CTNNA2: variants seen among roughly 807,000 people sequenced by gnomAD.
CTNNA2 encodes catenin alpha 2.
Under a neutral mutation model 101.0 loss-of-function variants are expected in CTNNA2, and 42 were observed. That is an observed-to-expected ratio of 0.42 (90% CI 0.32 to 0.54). The LOEUF (loss-of-function observed/expected upper bound fraction) is 0.54. Among genes scored for constraint, CTNNA2 ranks in the 20% least tolerant of loss-of-function variants. The probability of loss-of-function intolerance (pLI) is 0.14; values close to 1 mark genes in which losing one functional copy is unlikely to be tolerated. For synonymous variants in CTNNA2, 450 were observed against 456.4 expected (o/e 0.99, Z 0.18); for missense variants, 871 against 1,223.1 (o/e 0.71, Z 4.29).
chr2:79,298,359 G>A (rs1203493824), intron 2 of CTNNA2, among the ~76,000 whole-genome samples: 1 of 152,084 alleles, frequency 6.6e-6, no homozygotes, highest in Non-Finnish European at 1.5e-5. Context: ...TGAGGAATCA[G>A]ACCCTTGACC....
chr2:79,870,609 G>A (rs1325450140), intron 5 of CTNNA2, among the ~76,000 whole-genome samples: 1 of 152,124 alleles, frequency 6.6e-6, no homozygotes, highest in African/African-American at 2.4e-5. Flanking sequence ...GAACTGCCCT[G>A]AGACTGGGTA....
chr2:79,556,304 G>A lies in CTNNA2; in HGVS notation c.-6+43097G>A, dbSNP rs576712444. On this transcript the variant is annotated intron_variant, in intron 1 of 18. Coordinates refer to ENST00000402739, the MANE Select transcript of CTNNA2 (RefSeq NM_001282597.3). ...GGTTAGGAGTGAGCCCTTAGTTGAGGATCAGAGGATTTCCTCCATGTAAAT... is the reference window on the plus strand; with the variant it reads ...GGTTAGGAGTGAGCCCTTAGTTGAGAATCAGAGGATTTCCTCCATGTAAAT... 3.3e-5 allele frequency among the ~76,000 whole-genome samples: 5 copies of A among 152,104 alleles called. No homozygotes were observed. The South Asian group carries it at 8.3e-4, about 25-fold the overall frequency.
chr2:79,686,962 G>A (rs1348632368), intron 2 of CTNNA2, among the ~76,000 whole-genome samples: 2 of 152,122 alleles, frequency 1.3e-5, no homozygotes, highest in Non-Finnish European at 2.9e-5. Flanking sequence ...GCTTCTGTTA[G>A]CATAATCAGC....
chr2:79,883,121 A>T (rs1199932908), intron 6 of CTNNA2, among the ~76,000 whole-genome samples: 1 of 152,188 alleles, frequency 6.6e-6, no homozygotes, highest in Non-Finnish European at 1.5e-5. Flanking sequence ...CTCTGTTTCT[A>T]GTTGGCCATC....
chr2:80,229,285 TC>T (rs1709060934), intron 7 of CTNNA2, among the ~76,000 whole-genome samples: 1 of 152,188 alleles, frequency 6.6e-6, no homozygotes, highest in Admixed American at 6.5e-5. Flanking sequence ...CAACATCAGA[TC>T]CTGTAGGTTA....
intron 6 of CTNNA2, among the ~76,000 whole-genome samples, chr2:79,879,905 A>G (rs1683297837): frequency 6.6e-6 from 1 of 152,152 alleles, no homozygotes; most frequent in African/African-American, 2.4e-5. Flanking sequence ...TTGGTTTCCA[A>G]AGGGAATGCT....
intron 7 of CTNNA2, chr2:80,162,521 T>C: frequency 6.2e-7 from 1 of 1,603,044 alleles, no homozygotes; most frequent in Admixed American, 1.7e-5. Flanking sequence ...GCTCCAGCCA[T>C]CATGATTCCT....
chr2:79,750,302 G>T (rs1558896385), intron 3 of CTNNA2, among the ~76,000 whole-genome samples: 1 of 152,170 alleles, frequency 6.6e-6, no homozygotes. Context: ...CACCTGGGAA[G>T]ATCTTGAAAT....
At chr2:80,460,514 G>A (rs918517782) in intron 9 of CTNNA2, among the ~76,000 whole-genome samples, 2 of 152,064 alleles carry the variant, frequency 1.3e-5, no homozygotes, top group Admixed American at 6.6e-5. Flanking sequence ...ATCCCTTTAT[G>A]TACTATATGC....
At chr2:79,779,567 AT>A (rs1674266949) in intron 3 of CTNNA2, among the ~76,000 whole-genome samples, 1 of 152,016 alleles carries the variant, frequency 6.6e-6, no homozygotes, top group Admixed American at 6.6e-5. Flanking sequence ...CCCTATTGTT[AT>A]TTTCAGATTT....
intron 9 of CTNNA2, among the ~76,000 whole-genome samples, chr2:80,501,714 A>G (rs138230116): frequency 2.0e-5 from 3 of 152,292 alleles, no homozygotes; most frequent in East Asian, 1.9e-4. Context: ...GCAAAATTGG[A>G]TATGCGGGGA....
intron 2 of CTNNA2, among the ~76,000 whole-genome samples, chr2:79,726,363 C>T (rs778194089): frequency 2.0e-5 from 3 of 152,156 alleles, no homozygotes; most frequent in South Asian, 2.1e-4. Context: ...AGTACCTGTC[C>T]GTGGCCTGTT....
intron 4 of CTNNA2, among the ~76,000 whole-genome samples, chr2:79,496,262 T>C (rs1671255091): frequency 1.3e-5 from 2 of 152,206 alleles, no homozygotes; most frequent in African/African-American, 4.8e-5. Flanking sequence ...AGACTTGTCA[T>C]ATTTTTCTTA....
At chr2:79,643,866 C>A (rs1680616621) in intron 1 of CTNNA2, among the ~76,000 whole-genome samples, 2 of 152,222 alleles carry the variant, frequency 1.3e-5, no homozygotes, top group South Asian at 4.1e-4. Flanking sequence ...CCAGAGGCCA[C>A]CCACATTCTT....
intron 3 of CTNNA2, among the ~76,000 whole-genome samples, chr2:79,814,919 G>A (rs569676872): frequency 7.9e-5 from 12 of 152,050 alleles, no homozygotes; most frequent in Non-Finnish European, 1.5e-4. Context: ...CCTGATGACC[G>A]CATCCATGCC....
chr2:80,328,319 C>A (rs1432399759), intron 7 of CTNNA2: 15 of 471,008 alleles, frequency 3.2e-5, no homozygotes, highest in Non-Finnish European at 6.2e-5. Context: ...TGCATTGGAA[C>A]CTTTCATGTG....
intron 18 of CTNNA2, among the ~76,000 whole-genome samples, chr2:80,623,033 A>C (rs1021474429): frequency 6.9e-6 from 1 of 145,276 alleles, no homozygotes; most frequent in African/African-American, 2.6e-5. Flanking sequence ...AAGCAAGACT[A>C]CTAGCGCTAG....
At chr2:79,771,635 A>G (rs547510070) in intron 3 of CTNNA2, among the ~76,000 whole-genome samples, 1 of 152,130 alleles carries the variant, frequency 6.6e-6, no homozygotes, top group Admixed American at 6.5e-5. Flanking sequence ...AAGAGGGTCC[A>G]CTCTCCTATG....
intron 7 of CTNNA2, among the ~76,000 whole-genome samples, chr2:80,042,411 A>T (rs1202280602): frequency 6.6e-6 from 1 of 152,172 alleles, no homozygotes; most frequent in Non-Finnish European, 1.5e-5. Context: ...AATAATATTT[A>T]TATACTTATT....
Sources: gnomAD v4.1 joint callset for allele counts (sites outside exome capture counted in the v4.1 genomes callset) on GRCh38, gnomAD v4.1.1 for gene constraint, MANE v1.5 for transcripts, NCBI Gene and HGNC (gene_info 2026-07-23, HGNC 2026-07-21) for gene names.